The following EPM2A variants were observed in gnomAD, a reference collection of about 807,000 sequenced individuals.
EPM2A encodes the protein EPM2A glucan phosphatase, laforin.
Under a neutral mutation model 26.5 loss-of-function variants are expected in EPM2A, and 21 were observed. That is an observed-to-expected ratio of 0.79 (90% CI 0.56 to 1.14). The LOEUF (loss-of-function observed/expected upper bound fraction) is 1.14, where lower values mean the gene tolerates loss of function less well. EPM2A is among the 50% of genes most tolerant of loss of function. The pLI is 0.00. For missense variants in EPM2A, 458 were observed against 440.8 expected, an observed-to-expected ratio of 1.04 and a Z score of -0.35; for synonymous variants, 217 against 177.6, an observed-to-expected ratio of 1.22 and a Z score of -1.76.
intron 4 of EPM2A, among the ~76,000 whole-genome samples, chr6:145,483,289 A>G (rs1347275682): frequency 1.3e-5 from 2 of 152,072 alleles, no homozygotes; most frequent in Non-Finnish European, 2.9e-5. Flanking sequence ...GAATTCCTCC[A>G]GCATTACTCA....
chr6:145,509,794 G>A (rs1461952928), intron 2 of EPM2A, among the ~76,000 whole-genome samples: 1 of 152,022 alleles, frequency 6.6e-6, no homozygotes, highest in African/African-American at 2.4e-5. Flanking sequence ...CTGGCAAATT[G>A]GATTTAAGAA....
At chr6:145,649,415 A>C (rs1244644994) in intron 2 of EPM2A, among the ~76,000 whole-genome samples, 2 of 152,256 alleles carry the variant, frequency 1.3e-5, no homozygotes, top group African/African-American at 4.8e-5. Context: ...GTATTAAAGC[A>C]TTAGTTACTA....
At chr6:145,583,993 G>A (rs1048820026) in intron 2 of EPM2A, among the ~76,000 whole-genome samples, 1 of 152,202 alleles carries the variant, frequency 6.6e-6, no homozygotes, top group Admixed American at 6.5e-5. Context: ...GGCAGCAACT[G>A]TGTGGTTTGC....
intron 2 of EPM2A, among the ~76,000 whole-genome samples, chr6:145,520,027 A>G (rs1780182473): frequency 6.6e-6 from 1 of 152,138 alleles, no homozygotes; most frequent in Admixed American, 6.5e-5. Flanking sequence ...CCATCCTTTA[A>G]GATTAGTTTT....
At chr6:145,702,655 T>A (rs953553781) in intron 1 of EPM2A, among the ~76,000 whole-genome samples, 2 of 152,198 alleles carry the variant, frequency 1.3e-5, no homozygotes, top group African/African-American at 4.8e-5. Context: ...TGCAAAACTG[T>A]ACACTAATGC....
intron 1 of EPM2A, among the ~76,000 whole-genome samples, chr6:145,714,240 CAG>C (rs1335184136): frequency 3.3e-5 from 5 of 152,232 alleles, no homozygotes; most frequent in Non-Finnish European, 5.9e-5. Flanking sequence ...CCAAAATCTG[CAG>C]ATGCTCAAGT....
intron 4 of EPM2A, among the ~76,000 whole-genome samples, chr6:145,405,802 A>T (rs1349695571): frequency 6.6e-6 from 1 of 152,172 alleles, no homozygotes; most frequent in Non-Finnish European, 1.5e-5. Context: ...GCTGTTTTCC[A>T]GGACATCACC....
At chr6:145,686,497 G>GT (rs1184260376) in intron 1 of EPM2A, among the ~76,000 whole-genome samples, 1 of 152,016 alleles carries the variant, frequency 6.6e-6, no homozygotes, top group Non-Finnish European at 1.5e-5. Flanking sequence ...GAAAATCAGA[G>GT]TTTTTTACTC....
chr6:145,707,863 A>G (rs1782312487), intron 1 of EPM2A, among the ~76,000 whole-genome samples: 1 of 152,212 alleles, frequency 6.6e-6, no homozygotes, highest in South Asian at 2.1e-4. Flanking sequence ...TTGGAACAGG[A>G]TAATAGGCAG....
intron 2 of EPM2A, among the ~76,000 whole-genome samples, chr6:145,591,263 C>T (rs1489456324): frequency 6.6e-6 from 1 of 151,590 alleles, no homozygotes; most frequent in Non-Finnish European, 1.5e-5. Flanking sequence ...AGAAGAAAGG[C>T]AAAATAAATA....
chr6:145,735,462 CGG>C lies in EPM2A; in HGVS notation c.35_36del (p.Ala12GlyfsTer95). 1.6e-6 allele frequency: 2 copies of C among 1,228,084 alleles called. No individual in the cohort carries two copies. The highest frequency in any genetic ancestry group is 1.0e-6 in the Non-Finnish European group (1 of 982,294). 76.1% of individuals were successfully genotyped at this position (1,228,084 alleles called of 1,614,324 possible). ...RFRFGVVVPP[A>X]VAGARPELLV... is the part of the protein sequence containing the mutation. ...AGCAGCTCCGGCCGGGCGCCGGCCA[CGG>C]CGGGTGGCACCACCACCCCAAAGCG... On this transcript the variant is annotated frameshift_variant, in exon 1 of 4. Transcript: ENST00000367519. LOFTEE classifies it high-confidence loss of function.
intron 4 of EPM2A, among the ~76,000 whole-genome samples, chr6:145,391,278 C>T (rs2114657655): frequency 6.6e-6 from 1 of 152,244 alleles, no homozygotes; most frequent in Non-Finnish European, 1.5e-5. Context: ...CAGCCTGACA[C>T]TGCCCCTCCC....
At chr6:145,393,581 C>A (rs772820485) in intron 4 of EPM2A, among the ~76,000 whole-genome samples, 9 of 151,994 alleles carry the variant, frequency 5.9e-5, no homozygotes, top group Admixed American at 2.0e-4. Context: ...AATTCAGCTG[C>A]GAGAATTTGA....
chr6:145,479,657 T>C (rs1297258836), intron 4 of EPM2A, among the ~76,000 whole-genome samples: 1 of 152,084 alleles, frequency 6.6e-6, no homozygotes, highest in East Asian at 1.9e-4. Context: ...TTTTCATAAG[T>C]TGATATACAC....
At chr6:145,506,555 T>A (rs1779976541) in intron 2 of EPM2A, among the ~76,000 whole-genome samples, 1 of 151,624 alleles carries the variant, frequency 6.6e-6, no homozygotes, top group Non-Finnish European at 1.5e-5. Flanking sequence ...TAATTAAAAA[T>A]TAAATATATA....
chr6:145,462,633 T>C (rs183308488), intron 4 of EPM2A, among the ~76,000 whole-genome samples: 1 of 152,280 alleles, frequency 6.6e-6, no homozygotes, highest in African/African-American at 2.4e-5. Flanking sequence ...GGAATTCTTA[T>C]TGAGGTGGGA....
intron 2 of EPM2A, chr6:145,670,824 C>T (rs919334080): frequency 6.9e-6 from 5 of 721,816 alleles, no homozygotes; most frequent in East Asian, 1.3e-4. Flanking sequence ...TTAATTTGAC[C>T]GTATGAACAG....
chr6:145,463,899 T>C (rs1779355763), intron 4 of EPM2A, among the ~76,000 whole-genome samples: 2 of 152,122 alleles, frequency 1.3e-5, no homozygotes, highest in South Asian at 4.1e-4. Flanking sequence ...TCTCGAAGTG[T>C]AATACAAATT....
chr6:145,710,588 A>T (rs1048255246), intron 1 of EPM2A, among the ~76,000 whole-genome samples: 2 of 152,186 alleles, frequency 1.3e-5, no homozygotes, highest in African/African-American at 4.8e-5. Flanking sequence ...CTAGAACTAG[A>T]AATACCATTT....
Sources: gnomAD v4.1 joint callset for allele counts (sites outside exome capture counted in the v4.1 genomes callset) on GRCh38, gnomAD v4.1.1 for gene constraint, MANE v1.5 for transcripts, NCBI Gene and HGNC (gene_info 2026-07-23, HGNC 2026-07-21) for gene names.